USP12: variants seen among roughly 807,000 people sequenced by gnomAD.
The protein encoded by USP12 is ubiquitin specific peptidase 12.
Under a neutral mutation model 45.5 loss-of-function variants are expected in USP12, and 19 were observed. The observed-to-expected ratio is 0.42, with a 90% CI of 0.29 to 0.61. The LOEUF (loss-of-function observed/expected upper bound fraction) is 0.61, where lower values mean the gene tolerates loss of function less well. USP12 is among the 20% of genes least tolerant of loss of function. The probability of loss-of-function intolerance (pLI) is 0.22; values close to 1 mark genes in which losing one functional copy is unlikely to be tolerated. For missense variants in USP12, 242 were observed against 447.7 expected (o/e 0.54, Z 4.15); for synonymous variants, 149 against 148.8 (o/e 1.00, Z -0.01).
intron 1 of USP12, among the ~76,000 whole-genome samples, chr13:27,121,271 G>A (rs1875970759): frequency 6.7e-6 from 1 of 150,288 alleles, no homozygotes; most frequent in Admixed American, 6.6e-5. Flanking sequence ...CCTCGTAAAA[G>A]TCTGTGACCC....
chr13:27,136,240 G>A (rs1043806669), intron 1 of USP12, among the ~76,000 whole-genome samples: 4 of 152,120 alleles, frequency 2.6e-5, no homozygotes, highest in Non-Finnish European at 2.9e-5. Flanking sequence ...CGGTGCTCAC[G>A]CCTGTAATTA....
chr13:27,139,547 C>T (rs1159331175), intron 1 of USP12, among the ~76,000 whole-genome samples: 6 of 152,088 alleles, frequency 3.9e-5, no homozygotes, highest in African/African-American at 9.7e-5. Flanking sequence ...ACCTGGGAGG[C>T]GGAGGCTGCA....
chr13:27,149,637 G>A (rs1375158888), intron 1 of USP12, among the ~76,000 whole-genome samples: 1 of 152,144 alleles, frequency 6.6e-6, no homozygotes, highest in African/African-American at 2.4e-5. Context: ...GGGGTGGGAG[G>A]AGTAGCCAAG....
At chr13:27,103,945 G>C (rs538379275) in intron 3 of USP12, among the ~76,000 whole-genome samples, 19 of 152,044 alleles carry the variant, frequency 1.2e-4, no homozygotes, top group African/African-American at 4.6e-4. Context: ...ATTGTATAAA[G>C]AGCCCATGTG....
At chr13:27,072,800 C>A (rs949815463) in intron 7 of USP12, among the ~76,000 whole-genome samples, 6 of 152,062 alleles carry the variant, frequency 3.9e-5, no homozygotes, top group African/African-American at 1.4e-4. Context: ...CTCTTCTAGG[C>A]TGGGCACCGG....
chr13:27,105,820 G>T lies in USP12; in HGVS notation c.254C>A (p.Ala85Glu). Residue 85 changes from alanine to glutamate, a missense_variant, in exon 3 of 9, where the codon GCA becomes GAA. Coordinates refer to ENST00000282344, the MANE Select transcript of USP12 (RefSeq NM_182488.4). ...RKKESLLTCLADLFHSIATQK... is the reference protein window; with the variant it reads ...RKKESLLTCLEDLFHSIATQK... ...AGTGGCTATGCTATGGAAGAGATCT[G>T]CTAAGCATGTAAGAAGGCTCTCCTT... 6.2e-7 allele frequency: 1 copy of T among 1,613,864 alleles called. No homozygotes were observed. Among genetic ancestry groups the T allele is most frequent in the Non-Finnish European group, 8.5e-7 (1 of 1,179,822 alleles).
chr13:27,087,060 C>G (rs569585551), intron 6 of USP12, among the ~76,000 whole-genome samples: 10 of 151,942 alleles, frequency 6.6e-5, no homozygotes, highest in Non-Finnish European at 1.2e-4. Flanking sequence ...GACATCTGTA[C>G]AGGCAGGAGA....
intron 6 of USP12, among the ~76,000 whole-genome samples, chr13:27,078,817 A>G (rs2137758070): frequency 6.6e-6 from 1 of 152,248 alleles, no homozygotes; most frequent in Admixed American, 6.5e-5. Flanking sequence ...AAAAATCAGT[A>G]AGGATAGGAA....
intron 3 of USP12, among the ~76,000 whole-genome samples, chr13:27,104,993 A>G (rs1311986890): frequency 6.6e-6 from 1 of 152,228 alleles, no homozygotes; most frequent in Non-Finnish European, 1.5e-5. Flanking sequence ...TAGATAGAAC[A>G]CTGGGCTTAC....
intron 1 of USP12, among the ~76,000 whole-genome samples, chr13:27,124,331 T>C (rs1175032012): frequency 1.3e-5 from 2 of 152,224 alleles, no homozygotes; most frequent in Non-Finnish European, 1.5e-5. Flanking sequence ...TCTATGAGGA[T>C]ATGTCATTTT....
At chr13:27,153,837 T>C (rs973153736) in intron 1 of USP12, among the ~76,000 whole-genome samples, 2 of 152,230 alleles carry the variant, frequency 1.3e-5, no homozygotes, top group Admixed American at 1.3e-4. Context: ...TCTTGCTCTG[T>C]TGGTTTTCTT....
chr13:27,120,150 G>A (rs1390880844), intron 1 of USP12, among the ~76,000 whole-genome samples: 1 of 152,186 alleles, frequency 6.6e-6, no homozygotes, highest in Non-Finnish European at 1.5e-5. Flanking sequence ...ATTCCTGAAG[G>A]ATTTTGTTGA....
At chr13:27,168,039 C>T (rs889515323) in intron 1 of USP12, among the ~76,000 whole-genome samples, 5 of 152,206 alleles carry the variant, frequency 3.3e-5, no homozygotes, top group Admixed American at 1.3e-4. Flanking sequence ...CTTTCTTCAG[C>T]AAGTAAAGTT....
chr13:27,152,381 C>T (rs1877608965), intron 1 of USP12, among the ~76,000 whole-genome samples: 1 of 152,066 alleles, frequency 6.6e-6, no homozygotes, highest in African/African-American at 2.4e-5. Context: ...TCCCAAAGAC[C>T]ATATACTCTA....
At chr13:27,152,944 A>T (rs1877646473) in intron 1 of USP12, among the ~76,000 whole-genome samples, 2 of 146,764 alleles carry the variant, frequency 1.4e-5, no homozygotes, top group South Asian at 4.3e-4. Context: ...TCCGTCTCAA[A>T]AAAAAAAAAA....
intron 1 of USP12, among the ~76,000 whole-genome samples, chr13:27,152,427 T>C (rs572840183): frequency 5.9e-4 from 89 of 151,922 alleles, no homozygotes; most frequent in Non-Finnish European, 7.1e-4. Context: ...CAGATAATTA[T>C]ATAAACACAT....
intron 2 of USP12, among the ~76,000 whole-genome samples, chr13:27,109,802 G>A (rs1439982858): frequency 2.6e-5 from 4 of 151,388 alleles, no homozygotes; most frequent in African/African-American, 7.3e-5. Context: ...CCAGCTACTC[G>A]GGAGGCTGAG....
chr13:27,147,784 C>T (rs772519834), intron 1 of USP12, among the ~76,000 whole-genome samples: 8 of 151,972 alleles, frequency 5.3e-5, no homozygotes, highest in Non-Finnish European at 8.8e-5. Context: ...TTTAAAAAAC[C>T]GTCAACCAAC....
intron 2 of USP12, among the ~76,000 whole-genome samples, chr13:27,115,652 A>G (rs1340201648): frequency 6.6e-6 from 1 of 152,220 alleles, no homozygotes; most frequent in Admixed American, 6.5e-5. Context: ...GTGACTCAGA[A>G]CAGGTAACAT....
Sources: gnomAD v4.1 joint callset for allele counts (sites outside exome capture counted in the v4.1 genomes callset) on GRCh38, gnomAD v4.1.1 for gene constraint, MANE v1.5 for transcripts, NCBI Gene and HGNC (gene_info 2026-07-23, HGNC 2026-07-21) for gene names.